CTNNA2: variants seen among roughly 807,000 people sequenced by gnomAD.
CTNNA2 encodes catenin alpha 2.
In CTNNA2, 42 loss-of-function variants were observed where a neutral mutation model predicts 101.0. That is an observed-to-expected ratio of 0.42 (90% CI 0.32 to 0.54). CTNNA2 has a LOEUF of 0.54. CTNNA2 is among the 20% of genes least tolerant of loss of function. CTNNA2 has a pLI of 0.14. For synonymous variants in CTNNA2, 450 were observed against 456.4 expected, an observed-to-expected ratio of 0.99 and a Z score of 0.18; for missense variants, 871 against 1,223.1, an observed-to-expected ratio of 0.71 and a Z score of 4.29.
intron 3 of CTNNA2, among the ~76,000 whole-genome samples, chr2:79,352,710 G>C (rs1483381304): frequency 6.6e-6 from 1 of 152,166 alleles, no homozygotes. Context: ...CTAGCTTCTT[G>C]ATAACTTCTT....
chr2:79,730,904 A>C (rs1172865312), intron 2 of CTNNA2, among the ~76,000 whole-genome samples: 2 of 152,028 alleles, frequency 1.3e-5, no homozygotes, highest in African/African-American at 4.8e-5. Flanking sequence ...AAATGAGAAA[A>C]ATGAATAAAT....
intron 9 of CTNNA2, among the ~76,000 whole-genome samples, chr2:80,420,990 C>G (rs1680476322): frequency 6.6e-6 from 1 of 152,178 alleles, no homozygotes; most frequent in Non-Finnish European, 1.5e-5. Flanking sequence ...CCTTCTATCA[C>G]CCTTCACATT....
In CTNNA2 at chr2:79,858,024, C is replaced by T. The variant is rs574924497; in HGVS notation, c.310C>T (p.Arg104Trp). ...TGTCTGTCTTCCAGGTGAGACGATGCGGATCGCCTCCTCCGAGTTTGCAGA... is the reference window on the plus strand; with the variant it reads ...TGTCTGTCTTCCAGGTGAGACGATGTGGATCGCCTCCTCCGAGTTTGCAGA... ...EDVRKQGETM[R>W]IASSEFADDP... The change falls in exon 4 of 19, where the codon CGG becomes TGG. Residue 104 changes from arginine (R) to tryptophan (W), a missense_variant. Arg to Trp is a moderately radical substitution (Grantham distance 101, BLOSUM62 -3). Coordinates refer to ENST00000402739, the MANE Select transcript of CTNNA2 (RefSeq NM_001282597.3). 1.7e-5 allele frequency: 28 copies of T among 1,612,600 alleles called. No individual in the cohort carries two copies. Among genetic ancestry groups the T allele is most frequent in the Non-Finnish European group, 2.4e-5 (28 of 1,178,766 alleles).
chr2:80,054,945 G>T (rs1374150705), intron 7 of CTNNA2, among the ~76,000 whole-genome samples: 1 of 151,972 alleles, frequency 6.6e-6, no homozygotes, highest in Non-Finnish European at 1.5e-5. Flanking sequence ...GGGAAGAATG[G>T]TGCTATTTTT....
intron 9 of CTNNA2, among the ~76,000 whole-genome samples, chr2:80,493,109 T>C (rs559940703): frequency 1.4e-4 from 21 of 152,212 alleles, no homozygotes; most frequent in African/African-American, 3.6e-4. Flanking sequence ...AAAACATAAA[T>C]ATGCAGGCAG....
intron 2 of CTNNA2, among the ~76,000 whole-genome samples, chr2:79,661,421 G>GATA (rs1243081555): frequency 6.6e-6 from 1 of 152,162 alleles, no homozygotes; most frequent in Non-Finnish European, 1.5e-5. Flanking sequence ...TTTAGTAGAA[G>GATA]ATAAAAGAGG....
intron 1 of CTNNA2, among the ~76,000 whole-genome samples, chr2:79,607,099 T>G (rs1677943218): frequency 6.6e-6 from 1 of 152,050 alleles, no homozygotes. Flanking sequence ...AGATATACCA[T>G]GATAACACCA....
At chr2:79,835,933 T>C (rs1238749547) in intron 3 of CTNNA2, among the ~76,000 whole-genome samples, 1 of 151,948 alleles carries the variant, frequency 6.6e-6, no homozygotes, top group African/African-American at 2.4e-5. Context: ...GCCCAGCCCT[T>C]TCTTTGTTTT....
chr2:79,696,060 A>G (rs1684634478), intron 2 of CTNNA2, among the ~76,000 whole-genome samples: 1 of 151,986 alleles, frequency 6.6e-6, no homozygotes, highest in South Asian at 2.1e-4. Context: ...TAGAGCCAAA[A>G]GACTTACAGC....
intron 2 of CTNNA2, among the ~76,000 whole-genome samples, chr2:79,247,009 A>G (rs2104265681): frequency 6.6e-6 from 1 of 152,312 alleles, no homozygotes; most frequent in East Asian, 1.9e-4. Flanking sequence ...CACAGGATAG[A>G]GTATTCAGTA....
At chr2:79,628,462 AAT>A (rs1679468369) in intron 1 of CTNNA2, among the ~76,000 whole-genome samples, 1 of 152,066 alleles carries the variant, frequency 6.6e-6, no homozygotes, top group Non-Finnish European at 1.5e-5. Context: ...AAAAAAAAAA[AAT>A]TGTTGAATTT....
chr2:79,299,658 G>A (rs2104389207), intron 2 of CTNNA2, among the ~76,000 whole-genome samples: 1 of 152,108 alleles, frequency 6.6e-6, no homozygotes, highest in South Asian at 2.1e-4. Flanking sequence ...GAGTCTTCGG[G>A]TTCTGTGGAC....
At chr2:80,333,692 C>G (rs1260520838) in intron 7 of CTNNA2, among the ~76,000 whole-genome samples, 2 of 152,088 alleles carry the variant, frequency 1.3e-5, no homozygotes, top group Non-Finnish European at 2.9e-5. Flanking sequence ...GTAGCGTGAT[C>G]CCGGCTCCCT....
At chr2:80,603,546 A>T (rs1399419117) in intron 15 of CTNNA2, 1 of 152,098 alleles carries the variant, frequency 6.6e-6, no homozygotes, top group Non-Finnish European at 1.5e-5. Flanking sequence ...TAAATAATAG[A>T]ATATAAATAT....
At chr2:80,329,576 G>A (rs938984214) in intron 7 of CTNNA2, among the ~76,000 whole-genome samples, 1 of 152,134 alleles carries the variant, frequency 6.6e-6, no homozygotes, top group Non-Finnish European at 1.5e-5. Context: ...GAAACGGAAG[G>A]GCTGTGTTAG....
At chr2:80,533,502 T>C (rs1219290325) in intron 9 of CTNNA2, among the ~76,000 whole-genome samples, 1 of 152,144 alleles carries the variant, frequency 6.6e-6, no homozygotes, top group Admixed American at 6.6e-5. Context: ...TCTGGAAATG[T>C]AGGAGACCAG....
At chr2:79,652,241 T>A (rs1015348852) in intron 2 of CTNNA2, among the ~76,000 whole-genome samples, 2 of 102,808 alleles carry the variant, frequency 1.9e-5, no homozygotes, top group African/African-American at 1.1e-4. Context: ...GGATGTGATT[T>A]TTTTTTTTTT....
At chr2:79,702,989 T>C (rs1309515521) in intron 2 of CTNNA2, among the ~76,000 whole-genome samples, 1 of 152,204 alleles carries the variant, frequency 6.6e-6, no homozygotes, top group South Asian at 2.1e-4. Context: ...AGAATATTTG[T>C]TGTTACCCTT....
intron 7 of CTNNA2, among the ~76,000 whole-genome samples, chr2:80,238,907 C>T (rs1709690064): frequency 6.6e-6 from 1 of 152,188 alleles, no homozygotes; most frequent in Non-Finnish European, 1.5e-5. Flanking sequence ...GAACAACATG[C>T]TGATCTGTCG....
Sources: gnomAD v4.1 joint callset for allele counts (sites outside exome capture counted in the v4.1 genomes callset) on GRCh38, gnomAD v4.1.1 for gene constraint, MANE v1.5 for transcripts, NCBI Gene and HGNC (gene_info 2026-07-23, HGNC 2026-07-21) for gene names.